Variants in CRAMP1 observed in about 807,000 individuals in gnomAD.
The protein encoded by CRAMP1 is cramped chromatin regulator 1.
Under a neutral mutation model 115.4 loss-of-function variants are expected in CRAMP1, and 50 were observed. The ratio of observed to expected loss-of-function variants is 0.43; its 90% CI spans 0.35 to 0.55. The LOEUF is 0.55. CRAMP1 is among the 20% of genes least tolerant of loss of function. The pLI, the probability that CRAMP1 is intolerant of heterozygous loss-of-function variation, is 0.01. For synonymous variants in CRAMP1, 866 were observed against 745.4 expected (o/e 1.16, Z -2.64); for missense variants, 1,679 against 1,721.7 (o/e 0.98, Z 0.44).
At position 1,662,491 on chromosome 16, in the gene CRAMP1, T is replaced by G. The variant is rs2036840888; in HGVS notation, c.2415T>G (p.Gly805=). ...TGATTCTCTCCTCTCCTCTCCCAGGTTTGAGAAACCCTCCAAGACCCCTCT... is the reference window on the plus strand; with the variant it reads ...TGATTCTCTCCTCTCCTCTCCCAGGGTTGAGAAACCCTCCAAGACCCCTCT... ...FPPSSAPCSS[G]LRNPPRPLLV... is the part of the protein sequence containing the mutation. Residue 805 remains glycine, a splice_region_variant and synonymous_variant, in exon 12 of 21, where the codon GGT becomes GGG. Coordinates refer to ENST00000397412, the MANE Select transcript of CRAMP1 (RefSeq NM_020825.4). 6.2e-7 allele frequency: 1 copy of G among 1,613,010 alleles called. No homozygotes were observed. The highest frequency in any genetic ancestry group is 1.7e-5 in the Admixed American group (1 of 59,998).
chr16:1,615,144 C>T (rs1393973208), intron 2 of CRAMP1, among the ~76,000 whole-genome samples, 159 bp downstream of exon 2: 1 of 152,228 alleles, frequency 6.6e-6, no homozygotes, highest in Non-Finnish European at 1.5e-5. Context: ...GCATGTGTCC[C>T]CTCTCTCCTT....
At position 1,614,895 on chromosome 16, in the gene CRAMP1, A is replaced by T; in HGVS notation, c.256A>T (p.Ser86Cys). The T allele has an allele frequency of 2.3e-6, 3 of 1,327,192 alleles. No individual in the cohort carries two copies. The highest frequency in any genetic ancestry group is 1.9e-6 in the Non-Finnish European group (2 of 1,037,448). The allele number at this position is 1,327,192 out of a possible 1,614,324, so 82.2% of individuals were successfully genotyped here. Residue 86 changes from serine (S) to cysteine (C), a missense_variant, in exon 2 of 21, where the codon AGC (serine) becomes TGC (cysteine). Transcript: ENST00000397412. The surrounding 1 kb of genome is among the most constrained non-coding windows in gnomAD (Gnocchi z 4.4). The stretch of plus-strand genomic sequence containing the variant: ...GGACCAGCACCACTTCCTCCGGTCC[A>T]GCGTGCGGCCGCAGAGCAAGAGGCC... The part of the protein sequence containing the change: ...PQDQHHFLRS[S>C]VRPQSKRPRK...
intron 6 of CRAMP1, among the ~76,000 whole-genome samples, chr16:1,649,178 G>GT (rs2142192686): frequency 1.3e-5 from 2 of 152,228 alleles, no homozygotes; most frequent in East Asian, 3.9e-4. Flanking sequence ...GGGCATGGAA[G>GT]TTTTTTTTCT....
Position 1,662,834 on chromosome 16 carries a change from A to G in CRAMP1, c.2669A>G (p.Gln890Arg). Residue 890 changes from glutamine to arginine, a missense_variant and splice_region_variant, in exon 13 of 21, where the codon CAG becomes CGG. Coordinates refer to ENST00000397412, the MANE Select transcript of CRAMP1 (RefSeq NM_020825.4). The stretch of plus-strand genomic sequence containing the variant: ...CACCTGCGGAAGCCACTGGTGGTCC[A>G]GGTCAGGGTCTTCTCAAGTCTGAAC... ...NRHLRKPLVV[Q>R]RTLLPRPSEN... 1 of 1,613,396 alleles carries G rather than the reference A, an allele frequency of 6.2e-7. No homozygotes were observed. Among genetic ancestry groups the G allele is most frequent in the Non-Finnish European group, 8.5e-7 (1 of 1,179,604 alleles).
rs755708584 is a variant in CRAMP1 at position 1,662,644 on chromosome 16, T to C, written c.2568T>C (p.Thr856=). The change falls in exon 12 of 21, where the codon ACT becomes ACC. Residue 856 remains threonine (T), a synonymous_variant. Coordinates refer to ENST00000397412, the MANE Select transcript of CRAMP1 (RefSeq NM_020825.4). ...LFSPSKEAEL[T]FRQHLNSISM... The stretch of plus-strand genomic sequence containing the variant: ...CTCCCAGTAAAGAAGCAGAGCTGAC[T>C]TTCCGCCAGCATCTGAACTCCATCA... 1 of 1,614,046 alleles carries C rather than the reference T, an allele frequency of 6.2e-7. No homozygotes were observed. The highest frequency in any genetic ancestry group is 8.5e-7 in the Non-Finnish European group (1 of 1,179,896).
intron 3 of CRAMP1, among the ~76,000 whole-genome samples, chr16:1,626,925 C>G (rs2036512964): frequency 6.6e-6 from 1 of 152,164 alleles, no homozygotes; most frequent in African/African-American, 2.4e-5. Context: ...GATGCCACTG[C>G]AGTGGCATAG....
At chr16:1,613,825 C>T (rs1409980075) in intron 1 of CRAMP1, among the ~76,000 whole-genome samples, 1 of 152,204 alleles carries the variant, frequency 6.6e-6, no homozygotes, top group East Asian at 1.9e-4. Context: ...GCAACAGGCT[C>T]CTTTGTTGCA....
intron 6 of CRAMP1, 66 bp from the exon 7 acceptor site, chr16:1,652,430 G>T: frequency 1.4e-6 from 2 of 1,431,482 alleles, no homozygotes; most frequent in Middle Eastern, 1.8e-4. Context: ...GCCTCTCCGT[G>T]TGCTGGCCCT....
At chr16:1,612,900 G>T (rs2036370190) in intron 1 of CRAMP1, among the ~76,000 whole-genome samples, 1 of 152,098 alleles carries the variant, frequency 6.6e-6, no homozygotes, top group African/African-American at 2.4e-5. Flanking sequence ...CTCGCGAAAA[G>T]GAGGCCATCC....
rs1471348522 is a variant in CRAMP1, at chr16:1,614,891, G to T, written c.252G>T (p.Arg84=). The part of the protein sequence containing the change: ...GSPQDQHHFL[R]SSVRPQSKRP... Reference sequence around the variant, plus strand: ...CCCAGGACCAGCACCACTTCCTCCGGTCCAGCGTGCGGCCGCAGAGCAAGA... The same window carrying T: ...CCCAGGACCAGCACCACTTCCTCCGTTCCAGCGTGCGGCCGCAGAGCAAGA... Residue 84 remains arginine (R), a synonymous_variant, in exon 2 of 21, where the codon CGG becomes CGT. Coordinates refer to ENST00000397412, the MANE Select transcript of CRAMP1 (RefSeq NM_020825.4). The surrounding 1 kb of genome is among the most constrained non-coding windows in gnomAD (Gnocchi z 4.4). 7.5e-7 allele frequency: 1 copy of T among 1,328,092 alleles called. No homozygotes were observed. The highest frequency in any genetic ancestry group is 3.1e-5 in the Admixed American group (1 of 31,826). The allele number at this position is 1,328,092 out of a possible 1,614,324, so 82.3% of individuals were successfully genotyped here.
chr16:1,660,838 C>T (rs1390731681), intron 11 of CRAMP1, among the ~76,000 whole-genome samples: 1 of 152,042 alleles, frequency 6.6e-6, no homozygotes, highest in Non-Finnish European at 1.5e-5. Context: ...GAAACCCTGT[C>T]TCTACTAAAA....
Position 1,623,057 on chromosome 16 carries a change from C to T in CRAMP1, c.347-2916C>T, listed in dbSNP as rs150037405. Among the ~76,000 whole-genome samples the T allele has an allele frequency of 4.2e-3, 644 of 152,204 alleles. 6 individuals carry two copies. Among genetic ancestry groups the T allele is most frequent in the African/African-American group, 0.015 (617 of 41,532 alleles). On this transcript the variant is annotated intron_variant, in intron 2 of 20. Coordinates refer to ENST00000397412, the MANE Select transcript of CRAMP1 (RefSeq NM_020825.4). ...GATTACAGGCGCCCACCACCACGCC[C>T]GGTTAATTTTTGTATTTTTAGTAGA...
chr16:1,656,057 C>T lies in CRAMP1; in HGVS notation c.1300C>T (p.Gln434Ter). Residue 434 changes from glutamine (Q) to a stop codon, truncating the protein, a stop_gained, in exon 10 of 21, where the codon CAG becomes TAG. Coordinates refer to ENST00000397412, the MANE Select transcript of CRAMP1 (RefSeq NM_020825.4). LOFTEE classifies it high-confidence loss of function. This position sits in a 1 kb window ranked among gnomAD's most constrained non-coding sequence, Gnocchi z 5.6. Reference sequence around the variant, plus strand: ...CTGGCAGGAGGGCGGCCGGTGCAAGCAGAGTGCCAAGGACGCCCACGTGCT... The same window carrying T: ...CTGGCAGGAGGGCGGCCGGTGCAAGTAGAGTGCCAAGGACGCCCACGTGCT... ...VHWQEGGRCK[Q>*]SAKDAHVLPP... is the part of the protein sequence containing the mutation. The T allele has an allele frequency of 6.2e-7, 1 of 1,611,396 alleles. No individual in the cohort carries two copies. Among genetic ancestry groups the T allele is most frequent in the Non-Finnish European group, 8.5e-7 (1 of 1,179,374 alleles).
chr16:1,642,569 C>T (rs2036641532), intron 6 of CRAMP1, among the ~76,000 whole-genome samples: 1 of 152,218 alleles, frequency 6.6e-6, no homozygotes, highest in Non-Finnish European at 1.5e-5. Flanking sequence ...AGCCCTGCTT[C>T]CTTCCCACTC....
Position 1,659,944 on chromosome 16 carries a change from CGAT to C in CRAMP1, c.2297_2299del (p.Met766del), listed in dbSNP as rs780547264. On this transcript the variant is annotated inframe_deletion, in exon 11 of 21. Coordinates refer to ENST00000397412, the MANE Select transcript of CRAMP1 (RefSeq NM_020825.4). Reference sequence around the variant, plus strand: ...GTAAGGCCCGCCCAGGAGGAGCAGTCGATGACGCCCCCAGGGAAGGTGGTGACC... The same window carrying C: ...GTAAGGCCCGCCCAGGAGGAGCAGTCGACGCCCCCAGGGAAGGTGGTGACC... 6.2e-6 allele frequency: 10 copies of C among 1,611,802 alleles called. No homozygotes were observed. In the East Asian group the frequency reaches 2.2e-4, roughly 36 times the overall value.
At chr16:1,623,168 C>T (rs888384093) in intron 2 of CRAMP1, among the ~76,000 whole-genome samples, 1 of 152,208 alleles carries the variant, frequency 6.6e-6, no homozygotes, top group African/African-American at 2.4e-5. Flanking sequence ...TCTTGCTTTA[C>T]TTTCCTCTAC....
rs2036955138 is a variant in CRAMP1, at chr16:1,674,993, G to C, written c.*948G>C. Reference sequence around the variant, plus strand: ...CTTGAGACAAACCTGCCTTTGCAGGGAAAGTGTCTCTCACGGGCATTGGTG... The same window carrying C: ...CTTGAGACAAACCTGCCTTTGCAGGCAAAGTGTCTCTCACGGGCATTGGTG... On this transcript the variant is annotated 3_prime_UTR_variant, in exon 21 of 21. Transcript: ENST00000397412. 6.6e-6 allele frequency: 1 copy of C among 152,244 alleles called. No homozygotes were observed. Among genetic ancestry groups the C allele is most frequent in the Non-Finnish European group, 1.5e-5 (1 of 68,048 alleles). 9.4% of individuals were successfully genotyped at this position (152,244 alleles called of 1,614,324 possible). A position where few individuals can be genotyped will look rare whatever the true frequency, so the allele number is the denominator to read the frequency against.
chr16:1,664,146 C>T (rs2036855226), intron 13 of CRAMP1, among the ~76,000 whole-genome samples: 3 of 152,222 alleles, frequency 2.0e-5, no homozygotes. Context: ...GGCGGAAGCG[C>T]CTCAGACACT....
rs750382500 is a variant in CRAMP1, at chr16:1,656,533, C to T, written c.1776C>T (p.Gly592=). The change falls in exon 10 of 21, where the codon GGC becomes GGT. Residue 592 remains glycine (G), a synonymous_variant. Coordinates refer to ENST00000397412, the MANE Select transcript of CRAMP1 (RefSeq NM_020825.4). The surrounding 1 kb of genome is among the most constrained non-coding windows in gnomAD (Gnocchi z 5.6). ...CTGGGAGCGAGCAGCCCCCTCTGGG[C>T]GGGGCGGCCTCCCCAGAGGTGCTGG... ...TRPGSEQPPL[G]GAASPEVLAP... 34 of 1,558,036 alleles carry T rather than the reference C, an allele frequency of 2.2e-5. No homozygotes were observed. The East Asian group carries it at 6.0e-4, about 28-fold the overall frequency.
Sources: allele counts gnomAD v4.1 joint callset (sites outside exome capture counted in the v4.1 genomes callset), GRCh38; gene constraint gnomAD v4.1.1; non-coding constraint Gnocchi (gnomAD v3.1); transcripts MANE v1.5; gene names NCBI Gene and HGNC (gene_info 2026-07-23, HGNC 2026-07-21).